Variants in GRID2 observed in about 807,000 individuals in gnomAD.
GRID2 encodes the protein glutamate ionotropic receptor delta type subunit 2.
Under a neutral mutation model 114.8 loss-of-function variants are expected in GRID2, and 33 were observed. The observed-to-expected ratio is 0.29, with a 90% confidence interval of 0.22 to 0.38. The LOEUF (loss-of-function observed/expected upper bound fraction) is 0.38, where lower values mean the gene tolerates loss of function less well. GRID2 is among the 10% of genes least tolerant of loss of function. The probability of loss-of-function intolerance (pLI) is 1.00; values close to 1 mark genes in which losing one functional copy is unlikely to be tolerated. For missense variants in GRID2, 1,184 were observed against 1,257.7 expected, an observed-to-expected ratio of 0.94 and a Z score of 0.89; for synonymous variants, 505 against 449.9, an observed-to-expected ratio of 1.12 and a Z score of -1.55.
At chr4:93,398,123 A>ATGTGTGTGTGTGTGTGTG (rs151125359) in intron 9 of GRID2, among the ~76,000 whole-genome samples, 15 of 131,528 alleles carry the variant, frequency 1.1e-4, no homozygotes, top group African/African-American at 4.8e-4. Context: ...ACATACATGT[A>ATGTGTGTGTGTGTGTGTG]TGTGTGTGTG....
At chr4:93,735,785 C>A (rs2110237722) in intron 14 of GRID2, among the ~76,000 whole-genome samples, 1 of 152,104 alleles carries the variant, frequency 6.6e-6, no homozygotes, top group Middle Eastern at 3.4e-3. Flanking sequence ...TTAGTGAAAT[C>A]CTGAAATGTG....
intron 8 of GRID2, among the ~76,000 whole-genome samples, chr4:93,297,972 A>G (rs1239264050): frequency 2.0e-5 from 3 of 152,140 alleles, no homozygotes; most frequent in African/African-American, 7.2e-5. Context: ...CAGATAATCA[A>G]TTGTTATTTA....
At chr4:92,460,057 C>CATATATATATAT (rs1721421954) in intron 1 of GRID2, among the ~76,000 whole-genome samples, 3 of 29,514 alleles carry the variant, frequency 1.0e-4, no homozygotes, top group African/African-American at 3.1e-4. Context: ...TATATATACA[C>CATATATATATAT]ACACAACTTT....
intron 1 of GRID2, among the ~76,000 whole-genome samples, chr4:92,424,885 T>C (rs997236603): frequency 6.6e-6 from 1 of 151,964 alleles, no homozygotes; most frequent in Non-Finnish European, 1.5e-5. Context: ...CCAGAGGAGC[T>C]AATAATCATT....
intron 4 of GRID2, among the ~76,000 whole-genome samples, chr4:93,204,493 T>C (rs566559299): frequency 6.6e-6 from 1 of 152,270 alleles, no homozygotes; most frequent in South Asian, 2.1e-4. Flanking sequence ...TTAATACTCA[T>C]GAATAAAACC....
chr4:92,913,134 T>A (rs943193784), intron 2 of GRID2, among the ~76,000 whole-genome samples: 18 of 151,834 alleles, frequency 1.2e-4, no homozygotes, highest in African/African-American at 3.4e-4. Context: ...TTTCTGTACT[T>A]CTCATAAAAC....
At chr4:93,810,098 C>T (rs2110375281) in exon 2 of GRID2, 1 of 152,250 alleles carries the variant, frequency 6.6e-6, no homozygotes, top group African/African-American at 2.4e-5. Flanking sequence ...GGAACAGGTA[C>T]CAGAGTGAAT....
chr4:92,951,522 T>C (rs1752038918), intron 2 of GRID2, among the ~76,000 whole-genome samples: 2 of 151,994 alleles, frequency 1.3e-5, no homozygotes, highest in Non-Finnish European at 2.9e-5. Context: ...TTTGTATTTT[T>C]TGCTGAGACA....
chr4:92,593,738 T>A (rs1728816909), intron 2 of GRID2, among the ~76,000 whole-genome samples: 1 of 151,848 alleles, frequency 6.6e-6, no homozygotes, highest in Admixed American at 6.6e-5. Flanking sequence ...TCTTTTTTCC[T>A]TTCTTATGAA....
At chr4:93,023,223 T>G (rs975310759) in intron 2 of GRID2, among the ~76,000 whole-genome samples, 2 of 151,836 alleles carry the variant, frequency 1.3e-5, no homozygotes, top group Admixed American at 6.6e-5. Context: ...CCATTTTTAA[T>G]TAATGACATA....
chr4:93,765,086 A>C (rs576015409), intron 14 of GRID2, among the ~76,000 whole-genome samples: 4 of 152,302 alleles, frequency 2.6e-5, no homozygotes, highest in African/African-American at 9.6e-5. Flanking sequence ...ATAAGAATTC[A>C]TCCTATTCAT....
chr4:93,633,258 A>C (rs2149701536), intron 14 of GRID2, among the ~76,000 whole-genome samples: 1 of 151,928 alleles, frequency 6.6e-6, no homozygotes, highest in East Asian at 1.9e-4. Flanking sequence ...TAACTATAAG[A>C]ATTTTTTTCC....
chr4:92,856,083 T>G (rs546585516), intron 2 of GRID2, among the ~76,000 whole-genome samples: 5 of 152,214 alleles, frequency 3.3e-5, no homozygotes, highest in African/African-American at 1.2e-4. Flanking sequence ...TTTCCAATTA[T>G]CCTTAATTGG....
intron 2 of GRID2, among the ~76,000 whole-genome samples, chr4:92,786,460 T>G (rs1014538356): frequency 6.6e-6 from 1 of 151,850 alleles, no homozygotes; most frequent in African/African-American, 2.4e-5. Context: ...TAACTCTATA[T>G]TCTTTTTAGC....
chr4:93,084,882 C>A (rs1730192606), intron 2 of GRID2, 113 bp from the exon 3 acceptor site: 1 of 725,224 alleles, frequency 1.4e-6, no homozygotes, highest in Non-Finnish European at 2.3e-6. Flanking sequence ...CTTTCTAAAA[C>A]ATTTTCATAG....
intron 13 of GRID2, among the ~76,000 whole-genome samples, chr4:93,579,336 C>T (rs375782662): frequency 4.7e-4 from 71 of 152,108 alleles, no homozygotes; most frequent in African/African-American, 1.3e-3. Context: ...TACCTTTTGT[C>T]GGGAAGCTCA....
intron 13 of GRID2, among the ~76,000 whole-genome samples, chr4:93,620,247 A>C (rs1742087599): frequency 4.6e-5 from 7 of 152,192 alleles, no homozygotes; most frequent in Admixed American, 4.6e-4. Context: ...TTCCTATCTA[A>C]CCCTTTTGGT....
Position 93,422,882 on chromosome 4 carries a change from G to C in GRID2, c.1459G>C (p.Glu487Gln). 1 of 1,613,670 alleles carries C rather than the reference G, an allele frequency of 6.2e-7. No individual in the cohort carries two copies. The highest frequency in any genetic ancestry group is 8.5e-7 in the Non-Finnish European group (1 of 1,179,652). The change falls in exon 10 of 16, where the codon GAA becomes CAA. Residue 487 changes from glutamate (E) to glutamine (Q), a missense_variant. Coordinates refer to ENST00000282020, the MANE Select transcript of GRID2 (RefSeq NM_001510.4). ...ALSNYLGFNYEIYVAPDHKYG... is the reference protein window; with the variant it reads ...ALSNYLGFNYQIYVAPDHKYG... Reference sequence around the variant, plus strand: ...ATCTAACTACCTGGGTTTTAACTACGAAATTTACGTAGCACCGGATCACAA... The same window carrying C: ...ATCTAACTACCTGGGTTTTAACTACCAAATTTACGTAGCACCGGATCACAA...
chr4:93,031,343 C>T (rs943396338), intron 2 of GRID2, among the ~76,000 whole-genome samples: 7 of 152,174 alleles, frequency 4.6e-5, no homozygotes, highest in African/African-American at 1.4e-4. Context: ...CGTGCCCGGC[C>T]GTATCATCCA....
Sources: allele counts gnomAD v4.1 joint callset (sites outside exome capture counted in the v4.1 genomes callset), GRCh38; gene constraint gnomAD v4.1.1; transcripts MANE v1.5; gene names NCBI Gene and HGNC (gene_info 2026-07-23, HGNC 2026-07-21).